Variants in ZNF385D observed in about 807,000 individuals in gnomAD.
The protein encoded by ZNF385D is zinc finger protein 385D.
Under a neutral mutation model 35.8 loss-of-function variants are expected in ZNF385D, and 15 were observed. The ratio of observed to expected loss-of-function variants is 0.42; its 90% CI spans 0.28 to 0.64. ZNF385D has a LOEUF of 0.64. Ranked by LOEUF, ZNF385D falls within the 30% of genes least tolerant of loss-of-function variation. ZNF385D has a pLI of 0.23. For missense variants in ZNF385D, 474 were observed against 494.6 expected (o/e 0.96, Z 0.39); for synonymous variants, 212 against 186.8 (o/e 1.13, Z -1.10).
At chr3:22,166,552 T>C (rs1249892674) in intron 3 of ZNF385D, among the ~76,000 whole-genome samples, 1 of 152,134 alleles carries the variant, frequency 6.6e-6, no homozygotes, top group Admixed American at 6.5e-5. Context: ...TCCACATCTA[T>C]AAAAGGAATA....
At chr3:21,961,490 T>C (rs921461083) in intron 3 of ZNF385D, 1 of 152,170 alleles carries the variant, frequency 6.6e-6, no homozygotes, top group South Asian at 2.1e-4. Flanking sequence ...AATTGTTCTA[T>C]TTGCAATGAA....
intron 2 of ZNF385D, among the ~76,000 whole-genome samples, chr3:22,225,293 C>T (rs998798392): frequency 1.3e-5 from 2 of 152,144 alleles, no homozygotes; most frequent in African/African-American, 4.8e-5. Context: ...CTTGCTACTT[C>T]ACTGAGCACT....
intron 4 of ZNF385D, among the ~76,000 whole-genome samples, chr3:21,478,994 TAAAG>T (rs1488207356): frequency 6.6e-6 from 1 of 151,952 alleles, no homozygotes; most frequent in Non-Finnish European, 1.5e-5. Flanking sequence ...ATAGTAATCA[TAAAG>T]AAATATATAA....
chr3:21,796,688 C>G (rs910582841), intron 3 of ZNF385D, among the ~76,000 whole-genome samples: 1 of 152,154 alleles, frequency 6.6e-6, no homozygotes, highest in Non-Finnish European at 1.5e-5. Flanking sequence ...AGGAACACAT[C>G]TACATGACAT....
Position 21,851,595 on chromosome 3 carries a change from AAAG to A in ZNF385D, c.326-186570_326-186568del, listed in dbSNP as rs1264620360. Reference sequence around the variant, plus strand: ...ACACTCAACAGCAATAAAAAGCAAAAAAGAAAATATCTTGTGGTCATGACTCCA... The same window carrying A: ...ACACTCAACAGCAATAAAAAGCAAAAAAAATATCTTGTGGTCATGACTCCA... On this transcript the variant is annotated intron_variant, in intron 3 of 5. Coordinates refer to the ZNF385D transcript ENST00000494108. Among the ~76,000 whole-genome samples the A allele has an allele frequency of 2.0e-5, 3 of 152,192 alleles. No homozygotes were observed. In the South Asian group the frequency reaches 6.2e-4, roughly 32 times the overall value.
intron 2 of ZNF385D, among the ~76,000 whole-genome samples, chr3:22,296,312 T>C (rs551365556): frequency 6.6e-6 from 1 of 152,294 alleles, no homozygotes; most frequent in South Asian, 2.1e-4. Flanking sequence ...CGGGGATGGT[T>C]TGAACAGCTG....
chr3:22,225,797 C>A lies in ZNF385D; in HGVS notation c.107-56762G>T, dbSNP rs553603743. Among the ~76,000 whole-genome samples the A allele has an allele frequency of 1.8e-3, 273 of 152,304 alleles. 1 individual carries two copies. The highest frequency in any genetic ancestry group is 5.2e-3 in the African/African-American group (216 of 41,574). ...TAATATCAAATTTTTACACTCATCT[C>A]AGATATAGTAAGCATTTATTTGCTA... On this transcript the variant is annotated intron_variant, in intron 2 of 5. Coordinates refer to the ZNF385D transcript ENST00000494108.
Position 21,869,308 on chromosome 3 carries a change from T to C in ZNF385D, c.326-204280A>G, listed in dbSNP as rs376748095. On this transcript the variant is annotated intron_variant, in intron 3 of 5. Transcript: ENST00000494108. Reference sequence around the variant, plus strand: ...CGAAAATCCTCTTCAGAGGCGGACATAGGTATTCCAATAGAGTTATCAAAA... The same window carrying C: ...CGAAAATCCTCTTCAGAGGCGGACACAGGTATTCCAATAGAGTTATCAAAA... Among the ~76,000 whole-genome samples, 46 of 152,226 alleles carry C rather than the reference T, an allele frequency of 3.0e-4. No homozygotes were observed. The South Asian group carries it at 8.3e-3, about 27-fold the overall frequency.
At chr3:22,267,098 T>C (rs1289418619) in intron 2 of ZNF385D, among the ~76,000 whole-genome samples, 1 of 151,958 alleles carries the variant, frequency 6.6e-6, no homozygotes, top group African/African-American at 2.4e-5. Flanking sequence ...ACCTAATCAA[T>C]TGCTTACGTC....
intron 1 of ZNF385D, among the ~76,000 whole-genome samples, chr3:21,728,130 T>C (rs1336524733): frequency 6.6e-6 from 1 of 151,994 alleles, no homozygotes; most frequent in African/African-American, 2.4e-5. Flanking sequence ...CATCGCGGCC[T>C]GTCGGGTGGT....
At chr3:21,731,129 T>G (rs1228168692) in intron 1 of ZNF385D, among the ~76,000 whole-genome samples, 1 of 152,204 alleles carries the variant, frequency 6.6e-6, no homozygotes, top group African/African-American at 2.4e-5. Context: ...TGCAAAAATG[T>G]ATTCCCTTCA....
chr3:21,471,474 G>A lies in ZNF385D; in HGVS notation c.440-34271C>T, dbSNP rs904137110. On this transcript the variant is annotated intron_variant, in intron 4 of 7. Transcript: ENST00000281523. ...AATACATAATCCCTAAAGCACCTCT[G>A]ATATTCTCACTAAAGAGCCCAAAAC... is the stretch of plus-strand genomic sequence containing the variant. 4.6e-5 allele frequency among the ~76,000 whole-genome samples: 7 copies of A among 152,116 alleles called. No individual in the cohort carries two copies. In the South Asian group the frequency reaches 1.0e-3, roughly 23 times the overall value.
In ZNF385D at chr3:21,603,833, TAGA is replaced by T. The variant is rs573895189; in HGVS notation, c.166-39152_166-39150del. ...ATAGGGTTTCAGTAGGCAGGGATGGTAGAAGGATTGTGGGCATAAGGTGGACTA... is the reference window on the plus strand; with the variant it reads ...ATAGGGTTTCAGTAGGCAGGGATGGTAGGATTGTGGGCATAAGGTGGACTA... On this transcript the variant is annotated intron_variant, in intron 2 of 7. Transcript: ENST00000281523. Among the ~76,000 whole-genome samples the T allele has an allele frequency of 5.9e-5, 9 of 152,252 alleles. No individual in the cohort carries two copies. In the South Asian group the frequency reaches 1.7e-3, roughly 28 times the overall value.
Position 22,243,936 on chromosome 3 carries a change from A to T in ZNF385D, c.107-74901T>A, listed in dbSNP as rs1324114207. 2.0e-5 allele frequency among the ~76,000 whole-genome samples: 3 copies of T among 150,840 alleles called. 1 individual carries two copies. The highest frequency in any genetic ancestry group is 7.4e-5 in the African/African-American group (3 of 40,706). On this transcript the variant is annotated intron_variant, in intron 2 of 5. Coordinates refer to the ZNF385D transcript ENST00000494108. ...GAAAGAGCACCTTTGAAATTTACCC[A>T]TTATATATTTCTATTATATATATTT...
intron 2 of ZNF385D, among the ~76,000 whole-genome samples, chr3:22,261,456 C>G (rs749665913): frequency 6.6e-6 from 1 of 151,922 alleles, no homozygotes; most frequent in Non-Finnish European, 1.5e-5. Context: ...AAAGTCTAGG[C>G]TGTCTGAGCA....
chr3:21,812,388 A>G (rs1376957411), intron 3 of ZNF385D, among the ~76,000 whole-genome samples: 3 of 152,246 alleles, frequency 2.0e-5, no homozygotes, highest in African/African-American at 7.2e-5. Context: ...GAGCTGAAGC[A>G]GGGCGGGGCA....
At chr3:21,899,177 T>A (rs259490) in intron 3 of ZNF385D, among the ~76,000 whole-genome samples, 57,683 of 151,758 alleles carry the variant, frequency 0.38, 11,598 homozygotes, top group African/African-American at 0.48. Flanking sequence ...GCCAAGAATG[T>A]TACTGTACGT....
At chr3:22,351,621 A>G (rs1695919324) in intron 2 of ZNF385D, among the ~76,000 whole-genome samples, 1 of 152,176 alleles carries the variant, frequency 6.6e-6, no homozygotes, top group Admixed American at 6.5e-5. Flanking sequence ...ATAACTCTGT[A>G]TAATGAGAGT....
intron 3 of ZNF385D, among the ~76,000 whole-genome samples, chr3:22,085,501 A>C (rs1213539291): frequency 6.6e-6 from 1 of 152,162 alleles, no homozygotes; most frequent in Non-Finnish European, 1.5e-5. Flanking sequence ...TCCTCGACAC[A>C]TACACCCTCC....
Sources: gnomAD v4.1 joint callset for allele counts (sites outside exome capture counted in the v4.1 genomes callset) on GRCh38, gnomAD v4.1.1 for gene constraint, MANE v1.5 for transcripts, NCBI Gene and HGNC (gene_info 2026-07-23, HGNC 2026-07-21) for gene names.